Variants in WDR27 observed in about 807,000 individuals in gnomAD.
The protein encoded by WDR27 is WD repeat-containing protein 27.
A neutral mutation model predicts 114.4 loss-of-function variants in WDR27; 100 were observed. That is an observed-to-expected ratio of 0.87 (90% CI 0.74 to 1.03). The LOEUF is 1.03. WDR27 is among the 50% of genes least tolerant of loss of function. The pLI, the probability that WDR27 is intolerant of heterozygous loss-of-function variation, is 0.00. For synonymous variants in WDR27, 449 were observed against 423.1 expected (o/e 1.06, Z -0.75); for missense variants, 1,129 against 1,092.9 (o/e 1.03, Z -0.47).
Position 169,613,676 on chromosome 6 carries a change from A to G in WDR27, c.2224-20T>C. ...TGAACCCTATAATTTTAAGGGGGAA[A>G]TCAAGATGTACTTTCAAAGGTTGAG... On this transcript the variant is annotated intron_variant, in intron 21 of 25. Transcript: ENST00000448612. 1 of 1,590,424 alleles carries G rather than the reference A, an allele frequency of 6.3e-7. No homozygotes were observed. Among genetic ancestry groups the G allele is most frequent in the South Asian group, 1.1e-5 (1 of 90,238 alleles).
chr6:169,612,499 C>A (rs1386110826), intron 22 of WDR27, among the ~76,000 whole-genome samples: 3 of 151,116 alleles, frequency 2.0e-5, no homozygotes, highest in Non-Finnish European at 4.4e-5. Flanking sequence ...GTAAACCCAG[C>A]TGCTCACGAG....
rs1369815678 is a variant in WDR27 at position 169,653,089 on chromosome 6, C to T, written c.1403-1081G>A. Among the ~76,000 whole-genome samples the T allele has an allele frequency of 3.9e-5, 6 of 152,332 alleles. No individual in the cohort carries two copies. The South Asian group carries it at 1.0e-3, about 26-fold the overall frequency. ...CGTCCATGGCGGCAGACAAGACGAGCGGACCCCGTGGGTTGGACACGCAGG... is the reference window on the plus strand; with the variant it reads ...CGTCCATGGCGGCAGACAAGACGAGTGGACCCCGTGGGTTGGACACGCAGG... On this transcript the variant is annotated intron_variant, in intron 13 of 25. Transcript: ENST00000448612.
At chr6:169,511,559 T>A (rs901441732) in intron 25 of WDR27, among the ~76,000 whole-genome samples, 2 of 152,168 alleles carry the variant, frequency 1.3e-5, no homozygotes, top group East Asian at 3.9e-4. Flanking sequence ...CAGTTTTTAT[T>A]AGTATATTTT....
chr6:169,621,389 C>T (rs1458677700), intron 21 of WDR27, among the ~76,000 whole-genome samples: 2 of 150,996 alleles, frequency 1.3e-5, no homozygotes, highest in African/African-American at 2.4e-5. Flanking sequence ...GACATACGCA[C>T]ACACATGCAC....
At chr6:169,427,578 C>G in the WDR27 span, among the ~76,000 whole-genome samples, 1 of 152,114 alleles carries the variant, frequency 6.6e-6, no homozygotes, top group Non-Finnish European at 1.5e-5. Flanking sequence ...TCCTGGGTCT[C>G]TGGTGTCTTT....
intron 25 of WDR27, among the ~76,000 whole-genome samples, chr6:169,462,131 A>G (rs1042921922): frequency 2.0e-5 from 3 of 151,502 alleles, no homozygotes; most frequent in Admixed American, 6.6e-5. Context: ...TGAATCAGTA[A>G]CCAAAAAAAA....
Position 169,675,520 on chromosome 6 carries a change from T to C in WDR27, c.190-3124A>G, listed in dbSNP as rs549016223. ...CAGCCCTCAGGAGGTCCTGAGAACA[T>C]GTACCCAAGGTGGTTGGGGTACAGC... On this transcript the variant is annotated intron_variant, in intron 2 of 25. Transcript: ENST00000448612. Among the ~76,000 whole-genome samples the C allele has an allele frequency of 5.3e-5, 8 of 152,310 alleles. 1 individual carries two copies. In the East Asian group the frequency reaches 1.5e-3, roughly 29 times the overall value.
chr6:169,602,315 C>T lies in WDR27; in HGVS notation c.2328G>A (p.Glu776=). ...RLWDLRTLRC[E]RHFEGHPTRG... ...GGGTTGGATGCCCTTCAAAGTGGCG[C>T]TCACACCTACAGGGAGGAAAGAAAC... is the stretch of plus-strand genomic sequence containing the variant. Residue 776 remains glutamate (E), a synonymous_variant, in exon 23 of 26, where the codon GAG becomes GAA. Transcript: ENST00000448612. 1 of 1,544,508 alleles carries T rather than the reference C, an allele frequency of 6.5e-7. No individual in the cohort carries two copies. Among genetic ancestry groups the T allele is most frequent in the African/African-American group, 1.4e-5 (1 of 73,420 alleles).
At chr6:169,633,185 T>A in intron 20 of WDR27, 117 bp from the exon 21 acceptor site, 1 of 1,112,026 alleles carries the variant, frequency 9.0e-7, no homozygotes, top group Non-Finnish European at 1.2e-6. Flanking sequence ...AATGGATGAC[T>A]AGTTAAGAAT....
chr6:169,600,471 T>C (rs1173619550), intron 23 of WDR27, among the ~76,000 whole-genome samples: 1 of 150,368 alleles, frequency 6.7e-6, no homozygotes, highest in African/African-American at 2.5e-5. Context: ...GGAGAATGAC[T>C]TTGACAAGTT....
intron 25 of WDR27, among the ~76,000 whole-genome samples, chr6:169,498,960 T>C (rs1280911426): frequency 6.6e-6 from 1 of 152,214 alleles, no homozygotes; most frequent in Non-Finnish European, 1.5e-5. Context: ...TGCGCAGAAC[T>C]GCAAACATGC....
the WDR27 span, chr6:169,426,972 G>GT: frequency 2.1e-5 from 3 of 145,002 alleles, no homozygotes; most frequent in South Asian, 2.2e-4. Context: ...GGTGGGGGCA[G>GT]TGGGGGGGGG....
intron 5 of WDR27, 177 bp from the exon 6 acceptor site, chr6:169,667,364 G>C: frequency 8.2e-7 from 1 of 1,224,836 alleles, no homozygotes; most frequent in Non-Finnish European, 1.0e-6. Flanking sequence ...AAATATGTCA[G>C]AATCAAAAAG....
At chr6:169,613,821 A>G (rs1811184086) in intron 21 of WDR27, among the ~76,000 whole-genome samples, 165 bp from the exon 22 acceptor site, 1 of 152,232 alleles carries the variant, frequency 6.6e-6, no homozygotes, top group South Asian at 2.1e-4. Flanking sequence ...TTCTACATAA[A>G]GTAGTTAATG....
chr6:169,602,109 A>ACAGTC (rs2128170402), intron 23 of WDR27, 110 bp downstream of exon 23: 1 of 681,492 alleles, frequency 1.5e-6, no homozygotes, highest in East Asian at 2.8e-5. Context: ...ATATTGACCA[A>ACAGTC]CAGTCAAGCT....
chr6:169,583,992 T>C (rs1298356001), intron 23 of WDR27, among the ~76,000 whole-genome samples: 1 of 152,140 alleles, frequency 6.6e-6, no homozygotes, highest in Non-Finnish European at 1.5e-5. Context: ...AGCACTCATG[T>C]TGCACGTTAG....
chr6:169,623,333 C>T (rs543809021), intron 21 of WDR27, among the ~76,000 whole-genome samples: 1 of 152,330 alleles, frequency 6.6e-6, no homozygotes, highest in Admixed American at 6.5e-5. Flanking sequence ...ACTCCCACCC[C>T]CAGATTCCTG....
intron 21 of WDR27, among the ~76,000 whole-genome samples, chr6:169,619,119 G>A (rs1304091322): frequency 6.6e-6 from 1 of 152,302 alleles, no homozygotes; most frequent in East Asian, 1.9e-4. Flanking sequence ...TCAGGCTACT[G>A]TATAGTCATT....
At chr6:169,466,598 C>T (rs1401108472) in intron 25 of WDR27, among the ~76,000 whole-genome samples, 1 of 152,122 alleles carries the variant, frequency 6.6e-6, no homozygotes, top group Non-Finnish European at 1.5e-5. Context: ...AACTACAATT[C>T]AAGATGAGAT....
Sources: allele counts gnomAD v4.1 joint callset (sites outside exome capture counted in the v4.1 genomes callset), GRCh38; gene constraint gnomAD v4.1.1; transcripts MANE v1.5; gene names NCBI Gene and HGNC (gene_info 2026-07-23, HGNC 2026-07-21).